UBN2: variants seen among roughly 807,000 people sequenced by gnomAD.
UBN2 encodes the protein ubinuclein-2.
Under a neutral mutation model 120.2 loss-of-function variants are expected in UBN2, and 35 were observed. That is an observed-to-expected ratio of 0.29 (90% CI 0.22 to 0.39). The LOEUF is 0.39. Among genes scored for constraint, UBN2 ranks in the 10% least tolerant of loss-of-function variants. The pLI, the probability that UBN2 is intolerant of heterozygous loss-of-function variation, is 1.00. For synonymous variants in UBN2, 661 were observed against 648.7 expected, an observed-to-expected ratio of 1.02 and a Z score of -0.29; for missense variants, 1,693 against 1,663.2, an observed-to-expected ratio of 1.02 and a Z score of -0.31.
At chr7:139,327,023 C>G in the UBN2 span, among the ~76,000 whole-genome samples, 1 of 152,084 alleles carries the variant, frequency 6.6e-6, no homozygotes, top group Non-Finnish European at 1.5e-5. Flanking sequence ...TTCTTCTTTT[C>G]TTTTTATTTT....
chr7:139,276,474 A>G (rs1585016477), intron 12 of UBN2: 1 of 343,274 alleles, frequency 2.9e-6, no homozygotes, highest in South Asian at 2.9e-5. Context: ...TTTGTAATCT[A>G]CAGCCCTCTG....
the UBN2 span, among the ~76,000 whole-genome samples, chr7:139,319,825 A>T: frequency 1.7e-4 from 26 of 151,992 alleles, no homozygotes; most frequent in Middle Eastern, 3.4e-3. Flanking sequence ...GCCTGTAATC[A>T]CAGCACTTTG....
intron 5 of UBN2, 34 bp downstream of exon 5, chr7:139,259,404 G>C (rs192722949): frequency 3.7e-6 from 6 of 1,608,958 alleles, no homozygotes; most frequent in African/African-American, 1.3e-5. Flanking sequence ...GGGAACTGGC[G>C]TCACAGTCTG....
At chr7:139,308,857 G>T (rs1389729519), downstream of UBN2, among the ~76,000 whole-genome samples, 1 of 152,152 alleles carries the variant, frequency 6.6e-6, no homozygotes. Flanking sequence ...GGATCACGAG[G>T]TCAGGAGATT....
chr7:139,261,353 A>T lies in UBN2; in HGVS notation c.1007A>T (p.Asp336Val). 1.9e-6 allele frequency: 3 copies of T among 1,614,234 alleles called. No homozygotes were observed. Among genetic ancestry groups the T allele is most frequent in the Non-Finnish European group, 2.5e-6 (3 of 1,180,044 alleles). ...ATTAGAAAATTCCAGAAAGAGAAGG[A>T]TGCATTAAAGAAGGAGTCTAACCCC... ...AMIRKFQKEK[D>V]ALKKESNPKV... The change falls in exon 6 of 18, where the codon GAT becomes GTT. Residue 336 changes from aspartate to valine, a missense_variant. Around this residue, in one of 5 missense-constraint regions of UBN2, gnomAD observed 663 missense variants for 591.2 expected, o/e 1.12. Transcript: ENST00000473989.
At chr7:139,292,588 G>A (rs1406639749) in intron 15 of UBN2, among the ~76,000 whole-genome samples, 1 of 152,198 alleles carries the variant, frequency 6.6e-6, no homozygotes, top group Non-Finnish European at 1.5e-5. Flanking sequence ...AGACAAATTA[G>A]ATAGTTGCTA....
intron 6 of UBN2, among the ~76,000 whole-genome samples, chr7:139,264,126 CT>C (rs1797019943): frequency 6.6e-6 from 1 of 152,054 alleles, no homozygotes; most frequent in Non-Finnish European, 1.5e-5. Flanking sequence ...TTAAAAAATA[CT>C]GTTTTTGCCT....
chr7:139,256,442 A>T (rs1234349478), intron 3 of UBN2, among the ~76,000 whole-genome samples: 1 of 152,198 alleles, frequency 6.6e-6, no homozygotes, highest in Non-Finnish European at 1.5e-5. Context: ...GGAGGCAGCC[A>T]CTGACTTTGC....
intron 2 of UBN2, 68 bp from the exon 3 acceptor site, chr7:139,251,888 C>T: frequency 6.9e-7 from 1 of 1,444,168 alleles, no homozygotes. Flanking sequence ...ATTCTTCTAA[C>T]AGGTCTTTTT....
chr7:139,288,410 G>C (rs1401802680), intron 15 of UBN2, among the ~76,000 whole-genome samples: 1 of 152,152 alleles, frequency 6.6e-6, no homozygotes, highest in African/African-American at 2.4e-5. Flanking sequence ...TCAGGCCAGA[G>C]GGAACAGTTG....
In UBN2 at chr7:139,258,470, T is replaced by A. The variant is rs762756180; in HGVS notation, c.664-18T>A. 2.0e-6 allele frequency: 3 copies of A among 1,537,972 alleles called. No individual in the cohort carries two copies. The highest frequency in any genetic ancestry group is 2.6e-6 in the Non-Finnish European group (3 of 1,139,120). ...AGACAACAGGATATAGCGGAAACTT[T>A]TTTGTTTTTTAATCTAGTATGATGA... is the stretch of plus-strand genomic sequence containing the variant. On this transcript the variant is annotated intron_variant, in intron 3 of 17. Transcript: ENST00000473989.
At chr7:139,286,631 G>A (rs533476685) in intron 15 of UBN2, among the ~76,000 whole-genome samples, 97 of 151,328 alleles carry the variant, frequency 6.4e-4, no homozygotes, top group African/African-American at 2.2e-3. Context: ...ATAATATTTC[G>A]TTTTATAACC....
Position 139,299,866 on chromosome 7 carries a change from A to G in UBN2, c.*2030A>G, listed in dbSNP as rs1798212254. The G allele has an allele frequency of 1.3e-5, 2 of 152,118 alleles. No individual in the cohort carries two copies. The highest frequency in any genetic ancestry group is 6.5e-5 in the Admixed American group (1 of 15,270). The allele number at this position is 152,118 out of a possible 1,614,324, so 9.4% of individuals were successfully genotyped here. A position where few individuals can be genotyped will look rare whatever the true frequency, so the allele number is the denominator to read the frequency against. On this transcript the variant is annotated 3_prime_UTR_variant, in exon 18 of 18. Transcript: ENST00000473989. ...TCTTTGCTTCATACTAGGGGAAGTG[A>G]TGGGATTTTCCTTTGGGAAGGTAGC...
At chr7:139,249,631 T>C (rs17684312) in intron 2 of UBN2, among the ~76,000 whole-genome samples, 5 of 152,238 alleles carry the variant, frequency 3.3e-5, no homozygotes, top group Non-Finnish European at 7.3e-5. Flanking sequence ...TCATGCTCTC[T>C]ACAAGGCTCA....
At chr7:139,242,002 C>G (rs10452928) in intron 2 of UBN2, among the ~76,000 whole-genome samples, 1,750 of 151,952 alleles carry the variant, frequency 0.012, 34 homozygotes, top group African/African-American at 0.04. Context: ...CAGCTCCCCC[C>G]CCCAAAAAAA....
rs149305856 is a variant in UBN2, at chr7:139,241,873, C to A, written c.561+4776C>A. The stretch of plus-strand genomic sequence containing the variant: ...ATTAGCTGGGCATGGTGGTGGGTAC[C>A]TATAATTCCAGATATTCGGGAGACT... On this transcript the variant is annotated intron_variant, in intron 2 of 17. Transcript: ENST00000473989. Among the ~76,000 whole-genome samples, 15 of 152,160 alleles carry A rather than the reference C, an allele frequency of 9.9e-5. No homozygotes were observed. The East Asian group carries it at 2.9e-3, about 29-fold the overall frequency.
Position 139,283,921 on chromosome 7 carries a change from A to G in UBN2, c.3016A>G (p.Ser1006Gly). 1 of 1,614,008 alleles carries G rather than the reference A, an allele frequency of 6.2e-7. No homozygotes were observed. Among genetic ancestry groups the G allele is most frequent in the Non-Finnish European group, 8.5e-7 (1 of 1,179,986 alleles). ...SHPLVSRTVP[S>G]TTTSSNYLAK... Reference sequence around the variant, plus strand: ...CCCCCTGGTTTCTAGGACAGTACCTAGCACCACTACCTCCAGTAACTATTT... The same window carrying G: ...CCCCCTGGTTTCTAGGACAGTACCTGGCACCACTACCTCCAGTAACTATTT... The change falls in exon 15 of 18, where the codon AGC (serine) becomes GGC (glycine). Residue 1006 changes from serine (S) to glycine (G), a missense_variant. By Grantham distance (56) the Ser-to-Gly change is moderately conservative. Around this residue, in one of 5 missense-constraint regions of UBN2, gnomAD observed 837 missense variants for 817.6 expected, o/e 1.02. Coordinates refer to ENST00000473989, the MANE Select transcript of UBN2 (RefSeq NM_173569.4).
chr7:139,276,363 G>T, intron 12 of UBN2: 1 of 520,326 alleles, frequency 1.9e-6, no homozygotes. Context: ...TAATGGCCTG[G>T]GATTCTGGTA....
chr7:139,318,021 T>G, the UBN2 span, among the ~76,000 whole-genome samples: 1 of 152,196 alleles, frequency 6.6e-6, no homozygotes, highest in East Asian at 1.9e-4. Context: ...TATCAGTGTT[T>G]CCACTGGATT....
Sources: gnomAD v4.1 joint callset for allele counts (sites outside exome capture counted in the v4.1 genomes callset) on GRCh38, gnomAD v4.1.1 for gene constraint, gnomAD v4.1.1 regional missense constraint, MANE v1.5 for transcripts, NCBI Gene and HGNC (gene_info 2026-07-23, HGNC 2026-07-21) for gene names.